The following FARP1 variants were observed in gnomAD, a reference collection of about 807,000 sequenced individuals.
FARP1 encodes FERM, ARH/RhoGEF and pleckstrin domain protein 1, also known as FERM, ARHGEF and pleckstrin domain-containing protein 1.
A neutral mutation model predicts 128.8 loss-of-function variants in FARP1; 52 were observed. The observed-to-expected ratio is 0.40, with a 90% CI of 0.32 to 0.51. The LOEUF (loss-of-function observed/expected upper bound fraction) is 0.51. Ranked by LOEUF, FARP1 falls within the 20% of genes least tolerant of loss-of-function variation. The pLI is 0.45. For synonymous variants in FARP1, 580 were observed against 551.8 expected, an observed-to-expected ratio of 1.05 and a Z score of -0.72; for missense variants, 1,333 against 1,367.9, an observed-to-expected ratio of 0.97 and a Z score of 0.40.
chr13:98,439,958 C>T lies in FARP1; in HGVS notation c.2434-3C>T, dbSNP rs372927368. On this transcript the variant is annotated splice_polypyrimidine_tract_variant and splice_region_variant and intron_variant, in intron 21 of 26. Coordinates refer to ENST00000319562, the MANE Select transcript of FARP1 (RefSeq NM_005766.4). Reference sequence around the variant, plus strand: ...TGGTGACGTTATCTTCTCTTGCCCACAGATTGAGGAGAGCGAAGACGAGTG... The same window carrying T: ...TGGTGACGTTATCTTCTCTTGCCCATAGATTGAGGAGAGCGAAGACGAGTG... 2.9e-4 allele frequency: 452 copies of T among 1,555,954 alleles called. No homozygotes were observed. The highest frequency in any genetic ancestry group is 3.7e-4 in the Non-Finnish European group (429 of 1,145,088).
intron 3 of FARP1, among the ~76,000 whole-genome samples, chr13:98,364,089 A>G (rs1340351160): frequency 6.6e-6 from 1 of 152,222 alleles, no homozygotes; most frequent in Non-Finnish European, 1.5e-5. Context: ...AATGATGTAC[A>G]TTATTCTACT....
At position 98,302,902 on chromosome 13, in the gene FARP1, A is replaced by T. The variant is rs373897512; in HGVS notation, c.172-40860A>T. 3.3e-5 allele frequency among the ~76,000 whole-genome samples: 5 copies of T among 152,244 alleles called. No homozygotes were observed. In the East Asian group the frequency reaches 7.7e-4, roughly 24 times the overall value. On this transcript the variant is annotated intron_variant, in intron 2 of 26. Transcript: ENST00000319562. ...GAGAGAGCAGGGAGTATCAGGCCCC[A>T]ACGAGGAGAGCTCCTGAGCTGAGGG...
At chr13:98,284,242 G>A (rs1885065906) in intron 2 of FARP1, among the ~76,000 whole-genome samples, 1 of 152,050 alleles carries the variant, frequency 6.6e-6, no homozygotes, top group South Asian at 2.1e-4. Context: ...GTGGCCCAAG[G>A]CAATTCTTCC....
chr13:98,166,406 A>G (rs1298399243), intron 1 of FARP1, among the ~76,000 whole-genome samples: 1 of 152,246 alleles, frequency 6.6e-6, no homozygotes, highest in East Asian at 1.9e-4. Context: ...GAACTTGCAT[A>G]TAGTGCTTAC....
intron 24 of FARP1, among the ~76,000 whole-genome samples, chr13:98,441,631 AGG>A (rs1892528549): frequency 6.6e-6 from 1 of 152,186 alleles, no homozygotes; most frequent in Admixed American, 6.5e-5. Flanking sequence ...CAGGTGGGCC[AGG>A]GAGTAAGTTT....
rs11388623 is a variant in FARP1 at position 98,167,405 on chromosome 13, CTTTTTT to C, written c.-24+23925_-24+23930del. Among the ~76,000 whole-genome samples the C allele has an allele frequency of 8.5e-5, 11 of 129,758 alleles. No homozygotes were observed. The East Asian group carries it at 9.0e-4, about 11-fold the overall frequency. The allele number at this position is 129,758 out of a possible 152,430, so 85.1% of individuals were successfully genotyped here. ...GATCTGCAATTTGAGAACAGTTTTA[CTTTTTT>C]TTTTTTTTTTTGGAAACAGTCTCAC... is the stretch of plus-strand genomic sequence containing the variant. On this transcript the variant is annotated intron_variant, in intron 1 of 26. Coordinates refer to ENST00000319562, the MANE Select transcript of FARP1 (RefSeq NM_005766.4).
intron 6 of FARP1, among the ~76,000 whole-genome samples, chr13:98,379,588 TG>T (rs1889811542): frequency 6.6e-6 from 1 of 152,112 alleles, no homozygotes; most frequent in South Asian, 2.1e-4. Flanking sequence ...TTAATGTCCA[TG>T]GGGTATTGGC....
chr13:98,224,758 A>G (rs1881658767), intron 2 of FARP1, among the ~76,000 whole-genome samples: 1 of 152,042 alleles, frequency 6.6e-6, no homozygotes, highest in Non-Finnish European at 1.5e-5. Flanking sequence ...GAGAAGAGCC[A>G]GGGCACCCTC....
intron 2 of FARP1, among the ~76,000 whole-genome samples, chr13:98,246,243 C>T (rs1294730013): frequency 1.3e-5 from 2 of 150,324 alleles, no homozygotes; most frequent in Non-Finnish European, 3.0e-5. Flanking sequence ...CTACAGGCGC[C>T]CGCCACCTCG....
intron 24 of FARP1, 139 bp downstream of exon 24, chr13:98,440,975 A>G: frequency 3.6e-6 from 3 of 844,856 alleles, no homozygotes; most frequent in Non-Finnish European, 5.5e-6. Context: ...GCAGGGAAGG[A>G]TCAACACTGG....
intron 2 of FARP1, among the ~76,000 whole-genome samples, chr13:98,279,336 A>T (rs1489768459): frequency 1.4e-5 from 2 of 142,538 alleles, no homozygotes; most frequent in African/African-American, 6.0e-5. Context: ...TTCACTGAGA[A>T]TGTTGAAATA....
chr13:98,176,220 A>G lies in FARP1; in HGVS notation c.-24+32728A>G, dbSNP rs553174924. ...TTATTTAAATGTGAGAATTATGGGA[A>G]ACCTAAGCCATGGGAATTGGACACT... On this transcript the variant is annotated intron_variant, in intron 1 of 26. Coordinates refer to ENST00000319562, the MANE Select transcript of FARP1 (RefSeq NM_005766.4). The surrounding 1 kb of genome is among the most constrained non-coding windows in gnomAD (Gnocchi z 6.2). 5 of 1,608,458 alleles carry G rather than the reference A, an allele frequency of 3.1e-6. No homozygotes were observed. In the South Asian group the frequency reaches 4.4e-5, roughly 14 times the overall value.
At chr13:98,315,693 G>A (rs1013361976) in intron 2 of FARP1, among the ~76,000 whole-genome samples, 2 of 152,164 alleles carry the variant, frequency 1.3e-5, no homozygotes, top group Admixed American at 6.5e-5. Context: ...CCTTCGCCTC[G>A]TGGTGTCCTG....
rs772905326 is a variant in FARP1, at chr13:98,395,252, T to C, written c.1190T>C (p.Phe397Ser). ...TCTCAGCAGAGCACCAGCCTTACATTTGGAGAAGGTGCCGAATCTCCAGGG... is the reference window on the plus strand; with the variant it reads ...TCTCAGCAGAGCACCAGCCTTACATCTGGAGAAGGTGCCGAATCTCCAGGG... ...EQSQQSTSLT[F>S]GEGAESPGGQ... Residue 397 changes from phenylalanine (F) to serine (S), a missense_variant, in exon 13 of 27, where the codon TTT becomes TCT. By Grantham distance (155) the Phe-to-Ser change is radical. Around this residue, in one of 2 missense-constraint regions of FARP1, gnomAD observed 1,009 missense variants for 969.8 expected, o/e 1.04. Transcript: ENST00000319562. The C allele has an allele frequency of 6.2e-7, 1 of 1,603,896 alleles. No homozygotes were observed. The highest frequency in any genetic ancestry group is 8.5e-7 in the Non-Finnish European group (1 of 1,171,920).
chr13:98,289,126 T>C (rs918592926), intron 2 of FARP1, among the ~76,000 whole-genome samples: 1 of 152,342 alleles, frequency 6.6e-6, no homozygotes, highest in African/African-American at 2.4e-5. Flanking sequence ...AATGTACTTT[T>C]GGGCTGAATT....
At chr13:98,446,422 G>T in intron 25 of FARP1, 1 of 602,132 alleles carries the variant, frequency 1.7e-6, no homozygotes, top group South Asian at 2.0e-5. Context: ...CCCTAGGAAG[G>T]GCCACCTGTC....
rs1389858678 is a variant in FARP1, at chr13:98,450,500, G to C, written c.*2183G>C. ...ATCAGAACCCAGCAAGAAGTGGCCA[G>C]TGCACCCCAAACCACACTGGTGTCC... On this transcript the variant is annotated 3_prime_UTR_variant, in exon 27 of 27. Transcript: ENST00000319562. 5.3e-5 allele frequency: 8 copies of C among 152,236 alleles called. No homozygotes were observed. Among genetic ancestry groups the C allele is most frequent in the African/African-American group, 1.9e-4 (8 of 41,444 alleles). The allele number at this position is 152,236 out of a possible 1,614,324, so 9.4% of individuals were successfully genotyped here.
chr13:98,151,887 C>T (rs1351636776), intron 1 of FARP1, among the ~76,000 whole-genome samples: 1 of 151,882 alleles, frequency 6.6e-6, no homozygotes, highest in Non-Finnish European at 1.5e-5. Flanking sequence ...GTCTCAAACT[C>T]CTGACTTCAG....
rs1242190700 is a variant in FARP1, at chr13:98,446,675, C to T, written c.2914C>T (p.Pro972Ser). The T allele has an allele frequency of 4.3e-6, 7 of 1,614,070 alleles. No individual in the cohort carries two copies. The Admixed American group carries it at 5.0e-5, about 12-fold the overall frequency. ...TGTTTCCCCTTTCCAGGACAATCAT[C>T]CCCTTGCCAGCCTGCCTCTGCTCGG... ...FFYKSHQDNHPLASLPLLGYS... is the reference protein window; with the variant it reads ...FFYKSHQDNHSLASLPLLGYS... Residue 972 changes from proline (P) to serine (S), a missense_variant, in exon 26 of 27, where the codon CCC (proline) becomes TCC (serine). Physicochemically the swap from Pro to Ser is moderately conservative, Grantham distance 74. Around this residue, in one of 2 missense-constraint regions of FARP1, gnomAD observed 1,009 missense variants for 969.8 expected, o/e 1.04. Coordinates refer to ENST00000319562, the MANE Select transcript of FARP1 (RefSeq NM_005766.4).
Sources: allele counts gnomAD v4.1 joint callset (sites outside exome capture counted in the v4.1 genomes callset), GRCh38; gene constraint gnomAD v4.1.1; regional missense constraint gnomAD v4.1.1; non-coding constraint Gnocchi (gnomAD v3.1); transcripts MANE v1.5; gene names NCBI Gene and HGNC (gene_info 2026-07-23, HGNC 2026-07-21).